The following NBPF11 variants were observed in gnomAD, a reference collection of about 807,000 sequenced individuals.
NBPF11 encodes NBPF family member NBPF11.
In NBPF11, 72 loss-of-function variants were observed where a neutral mutation model predicts 93.9. That is an observed-to-expected ratio of 0.77 (90% confidence interval 0.63 to 0.93). The LOEUF (loss-of-function observed/expected upper bound fraction) is 0.93, where lower values mean the gene tolerates loss of function less well. NBPF11 is among the 40% of genes least tolerant of loss of function. NBPF11 has a pLI of 0.00. For synonymous variants in NBPF11, 224 were observed against 304.9 expected, an observed-to-expected ratio of 0.73 and a Z score of 2.76; for missense variants, 705 against 802.2, an observed-to-expected ratio of 0.88 and a Z score of 1.46.
intron 1 of NBPF11, among the ~76,000 whole-genome samples, chr1:148,145,668 C>G (rs1437185070): frequency 6.6e-6 from 1 of 151,610 alleles, no homozygotes; most frequent in Non-Finnish European, 1.5e-5. Flanking sequence ...CACTTGAGCC[C>G]AGGAATTCCG....
At chr1:148,108,838 G>C (rs1251392975) in intron 17 of NBPF11, among the ~76,000 whole-genome samples, 184 bp from the exon 18 acceptor site, 5 of 102,294 alleles carry the variant, frequency 4.9e-5, no homozygotes, top group Non-Finnish European at 8.3e-5. Context: ...GGATGAAAGA[G>C]AAAGACACAC....
intron 4 of NBPF11, among the ~76,000 whole-genome samples, chr1:148,129,101 T>TA (rs1669760328): frequency 6.9e-6 from 1 of 145,486 alleles, no homozygotes; most frequent in African/African-American, 2.6e-5. Context: ...TATATATATA[T>TA]ATAATATATA....
At chr1:148,148,873 C>G (rs1255610131) in intron 1 of NBPF11, among the ~76,000 whole-genome samples, 1 of 151,636 alleles carries the variant, frequency 6.6e-6, no homozygotes, top group Non-Finnish European at 1.5e-5. Flanking sequence ...CTCCCTTACC[C>G]CCGCCCCAGG....
rs1161749707 is a variant in NBPF11 at position 148,136,588 on chromosome 1, C to G, written c.-177-775G>C. Among the ~76,000 whole-genome samples, 419 of 152,016 alleles carry G rather than the reference C, an allele frequency of 2.8e-3. 10 individuals carry two copies. In the East Asian group the frequency reaches 0.04, roughly 14 times the overall value. On this transcript the variant is annotated intron_variant, in intron 3 of 23. Coordinates refer to ENST00000682118, the MANE Select transcript of NBPF11 (RefSeq NM_001385469.3). ...AGCCCAGAGGCAAAGACCCACAGGA[C>G]AGAGGGTCAGTCCCAGGCTGTGGAT... is the stretch of plus-strand genomic sequence containing the variant.
Position 148,127,000 on chromosome 1 carries a change from C to T in NBPF11, c.4G>A (p.Val2Met). ...CTGGACCAAGGGCCGGCTGATACCA[C>T]CATGCTGACGTTTGTGGCAGAAGAG... M[V>M]VSAGPWSSEK... is the part of the protein sequence containing the mutation. Residue 2 changes from valine to methionine, a missense_variant, in exon 5 of 24, where the codon GTG (valine) becomes ATG (methionine). Physicochemically the swap from Val to Met is conservative, Grantham distance 21. Coordinates refer to ENST00000682118, the MANE Select transcript of NBPF11 (RefSeq NM_001385469.3). The T allele has an allele frequency of 1.4e-6, 1 of 716,828 alleles. No homozygotes were observed. The highest frequency in any genetic ancestry group is 1.5e-5 in the South Asian group (1 of 66,742). 44.4% of individuals were successfully genotyped at this position (716,828 alleles called of 1,614,324 possible).
chr1:148,146,678 G>T, intron 1 of NBPF11: 2 of 1,611,806 alleles, frequency 1.2e-6, no homozygotes, highest in South Asian at 2.2e-5. Flanking sequence ...AAGAGCGCCC[G>T]CGGCAACCGT....
At chr1:148,140,880 A>C (rs1672054875) in intron 2 of NBPF11, among the ~76,000 whole-genome samples, 1 of 151,736 alleles carries the variant, frequency 6.6e-6, no homozygotes, top group African/African-American at 2.4e-5. Flanking sequence ...TTTTATCATA[A>C]TTGTCAAAAC....
chr1:148,144,018 C>A (rs1553276508), intron 1 of NBPF11, among the ~76,000 whole-genome samples: 4 of 151,480 alleles, frequency 2.6e-5, no homozygotes, highest in Non-Finnish European at 5.9e-5. Flanking sequence ...GATGGCACCA[C>A]TGCACTCCAG....
chr1:148,124,211 C>T (rs1441428501), intron 6 of NBPF11, 144 bp from the exon 7 acceptor site: 31 of 657,428 alleles, frequency 4.7e-5, no homozygotes, highest in Non-Finnish European at 5.4e-6. Flanking sequence ...TGTCTGTGGC[C>T]AAGAGAAAGA....
At chr1:148,118,953 CAAG>C (rs1314535831) in intron 10 of NBPF11, among the ~76,000 whole-genome samples, 122 of 132,038 alleles carry the variant, frequency 9.2e-4, no homozygotes, top group African/African-American at 3.7e-3. Context: ...AGGAAGTTGA[CAAG>C]ATGATTCAAC....
At chr1:148,146,708 G>T (rs1183195911) in intron 1 of NBPF11, 58 of 1,611,842 alleles carry the variant, frequency 3.6e-5, no homozygotes, top group Non-Finnish European at 4.8e-5. Flanking sequence ...ATGTATGTTC[G>T]CTGCGTGCCT....
At chr1:148,112,526 G>C (rs1328617649) in intron 15 of NBPF11, among the ~76,000 whole-genome samples, 2 of 139,552 alleles carry the variant, frequency 1.4e-5, no homozygotes, top group East Asian at 2.3e-4. Flanking sequence ...GTGTATATGT[G>C]CCACATTTTC....
At chr1:148,126,730 T>G (rs1413997276) in intron 5 of NBPF11, 99 bp downstream of exon 5, 1 of 813,560 alleles carries the variant, frequency 1.2e-6, no homozygotes, top group African/African-American at 1.7e-5. Flanking sequence ...CCATTTCTGT[T>G]TTCCTAGAAG....
intron 18 of NBPF11, among the ~76,000 whole-genome samples, chr1:148,108,151 G>T (rs5028670): frequency 0.11 from 12,875 of 122,580 alleles, 1,337 homozygotes; most frequent in African/African-American, 0.24. Flanking sequence ...GATGCTGAAA[G>T]TAGAGTGAAG....
chr1:148,105,480 G>C lies in NBPF11; in HGVS notation c.2352C>G (p.Asp784Glu), dbSNP rs1451219536. The change falls in exon 22 of 24, where the codon GAC becomes GAG. Residue 784 changes from aspartate (D) to glutamate (E), a missense_variant. Asp to Glu is a conservative substitution (Grantham distance 45). Coordinates refer to ENST00000682118, the MANE Select transcript of NBPF11 (RefSeq NM_001385469.3). Reference protein sequence around the residue: ...LEVVEPEVLQDSLDVIQLLPV... With the variant: ...LEVVEPEVLQESLDVIQLLPV... ...GAAGGAGTTGAATAACATCCAGTGAGTCCTGCAAGACTTCAGGCTCTACTA... is the reference window on the plus strand; with the variant it reads ...GAAGGAGTTGAATAACATCCAGTGACTCCTGCAAGACTTCAGGCTCTACTA... The C allele has an allele frequency of 6.4e-6, 7 of 1,101,304 alleles. 2 individuals are homozygous for C. The highest frequency in any genetic ancestry group is 9.3e-6 in the Non-Finnish European group (7 of 756,278). 68.2% of individuals were successfully genotyped at this position (1,101,304 alleles called of 1,614,324 possible).
intron 14 of NBPF11, among the ~76,000 whole-genome samples, chr1:148,115,164 CAAAAAAAAAAAAAAAAAAAA>C (rs57869119): frequency 1.2e-3 from 15 of 12,156 alleles, no homozygotes; most frequent in South Asian, 5.0e-3. Context: ...GACTCCATCA[CAAAAAAAAAAAAAAAAAAAA>C]AAAAAAAAAA....
chr1:148,140,879 A>G lies in NBPF11; in HGVS notation c.-277+2536T>C, dbSNP rs1202627456. ...TAAGTACTTACAGCAATTTTATCAT[A>G]ATTGTCAAAACTTGGAAGTACCCAA... On this transcript the variant is annotated intron_variant, in intron 2 of 23. Transcript: ENST00000682118. Among the ~76,000 whole-genome samples, 3 of 151,690 alleles carry G rather than the reference A, an allele frequency of 2.0e-5. No individual in the cohort carries two copies. In the East Asian group the frequency reaches 5.8e-4, roughly 29 times the overall value.
At chr1:148,121,479 C>A (rs1482252366) in intron 9 of NBPF11, among the ~76,000 whole-genome samples, 2 of 150,906 alleles carry the variant, frequency 1.3e-5, no homozygotes, top group Non-Finnish European at 2.9e-5. Context: ...TCCTGAGTAG[C>A]TGGGACTACA....
At position 148,103,588 on chromosome 1, in the gene NBPF11, G is replaced by C. The variant is rs1662789520; in HGVS notation, c.*308C>G. 1 of 1,607,350 alleles carries C rather than the reference G, an allele frequency of 6.2e-7. No homozygotes were observed. The highest frequency in any genetic ancestry group is 2.2e-5 in the East Asian group (1 of 44,806). On this transcript the variant is annotated 3_prime_UTR_variant, in exon 24 of 24. Coordinates refer to ENST00000682118, the MANE Select transcript of NBPF11 (RefSeq NM_001385469.3). The stretch of plus-strand genomic sequence containing the variant: ...CATCCTATGTCTGGGCTTCCAAATG[G>C]AACTATAGTTTCATTCAAATCTTCA...
Sources: allele counts gnomAD v4.1 joint callset (sites outside exome capture counted in the v4.1 genomes callset), GRCh38; gene constraint gnomAD v4.1.1; transcripts MANE v1.5; gene names NCBI Gene and HGNC (gene_info 2026-07-23, HGNC 2026-07-21).